The following MLLT1 variants were observed in gnomAD, a reference collection of about 807,000 sequenced individuals.
MLLT1 encodes protein ENL.
Under a neutral mutation model 55.1 loss-of-function variants are expected in MLLT1, and 11 were observed. That is an observed-to-expected ratio of 0.20 (90% confidence interval 0.13 to 0.33). MLLT1 has a LOEUF of 0.33. MLLT1 is among the 10% of genes least tolerant of loss of function. MLLT1 has a pLI of 1.00. For missense variants in MLLT1, 536 were observed against 760.6 expected (o/e 0.70, Z 3.47); for synonymous variants, 323 against 320.1 (o/e 1.01, Z -0.10).
At chr19:6,238,594 C>T (rs914401865) in intron 3 of MLLT1, among the ~76,000 whole-genome samples, 3 of 152,232 alleles carry the variant, frequency 2.0e-5, no homozygotes, top group South Asian at 2.1e-4. Flanking sequence ...TGGCTTGGCC[C>T]CCAGCCTGCC....
chr19:6,279,221 T>A, intron 1 of MLLT1, among the ~76,000 whole-genome samples: 1 of 151,586 alleles, frequency 6.6e-6, no homozygotes, highest in East Asian at 2.0e-4. Context: ...AGACAGCAGG[T>A]TGGGGACTCT....
rs764206531 is a variant in MLLT1 at position 6,214,046 on chromosome 19, G to A, written c.1308-8C>T. ...CTGTCGCTGAAGCTCAACCTGAACC[G>A]ACACACGGGGGCGCATCAGGCCCCT... On this transcript the variant is annotated splice_polypyrimidine_tract_variant and splice_region_variant and intron_variant, in intron 8 of 11. Coordinates refer to ENST00000252674, the MANE Select transcript of MLLT1 (RefSeq NM_005934.4). 7 of 1,421,520 alleles carry A rather than the reference G, an allele frequency of 4.9e-6. No individual in the cohort carries two copies. The highest frequency in any genetic ancestry group is 2.6e-4 in the Middle Eastern group (1 of 3,822). 88.1% of individuals were successfully genotyped at this position (1,421,520 alleles called of 1,614,324 possible). A position where few individuals can be genotyped will look rare whatever the true frequency, so the allele number is the denominator to read the frequency against.
Position 6,226,937 on chromosome 19 carries a change from C to A in MLLT1, c.546+40G>T. ...GGGGCCAGACCCACCACAGCTGGGC[C>A]CCGGCGCTCCCACGCGACTGGGCCT... is the stretch of plus-strand genomic sequence containing the variant. On this transcript the variant is annotated intron_variant, in intron 5 of 11. Coordinates refer to ENST00000252674, the MANE Select transcript of MLLT1 (RefSeq NM_005934.4). The surrounding 1 kb of genome is among the most constrained non-coding windows in gnomAD (Gnocchi z 6.3). 6.6e-7 allele frequency: 1 copy of A among 1,512,422 alleles called. No homozygotes were observed. The highest frequency in any genetic ancestry group is 1.3e-5 in the South Asian group (1 of 77,518). 93.7% of individuals were successfully genotyped at this position (1,512,422 alleles called of 1,614,324 possible). A position where few individuals can be genotyped will look rare whatever the true frequency, so the allele number is the denominator to read the frequency against.
rs1160795326 is a variant in MLLT1, at chr19:6,229,514, A to G, written c.420+1056T>C. On this transcript the variant is annotated intron_variant, in intron 4 of 11. Transcript: ENST00000252674. The surrounding 1 kb of genome is among the most constrained non-coding windows in gnomAD (Gnocchi z 5.2). Reference sequence around the variant, plus strand: ...ACCCCACCCGCATACCCCACACGTCATACATGCCACATACACACCTGACAC... The same window carrying G: ...ACCCCACCCGCATACCCCACACGTCGTACATGCCACATACACACCTGACAC... Among the ~76,000 whole-genome samples, 2 of 151,552 alleles carry G rather than the reference A, an allele frequency of 1.3e-5. No individual in the cohort carries two copies. The highest frequency in any genetic ancestry group is 4.8e-5 in the African/African-American group (2 of 41,238).
At position 6,256,230 on chromosome 19, in the gene MLLT1, T is replaced by G. The variant is rs899445139; in HGVS notation, c.276+5998A>C. Among the ~76,000 whole-genome samples, 4 of 144,234 alleles carry G rather than the reference T, an allele frequency of 2.8e-5. No homozygotes were observed. The highest frequency in any genetic ancestry group is 2.2e-4 in the South Asian group (1 of 4,506). 94.6% of individuals were successfully genotyped at this position (144,234 alleles called of 152,430 possible). Reference sequence around the variant, plus strand: ...ACTCTGTCTCAAAAAGATAAATAAATAAATAAATAAATAAATAAATAAATA... The same window carrying G: ...ACTCTGTCTCAAAAAGATAAATAAAGAAATAAATAAATAAATAAATAAATA... On this transcript the variant is annotated intron_variant, in intron 3 of 11. Coordinates refer to ENST00000252674, the MANE Select transcript of MLLT1 (RefSeq NM_005934.4). This position sits in a 1 kb window ranked among gnomAD's most constrained non-coding sequence, Gnocchi z 4.1.
intron 3 of MLLT1, among the ~76,000 whole-genome samples, chr19:6,238,316 A>G (rs1002270538): frequency 1.3e-5 from 2 of 152,248 alleles, no homozygotes; most frequent in African/African-American, 4.8e-5. Context: ...CTAATTTACC[A>G]ATTTCTAGCC....
chr19:6,224,436 G>A (rs1232199975), intron 5 of MLLT1, among the ~76,000 whole-genome samples: 2 of 152,234 alleles, frequency 1.3e-5, no homozygotes, highest in African/African-American at 4.8e-5. Flanking sequence ...AGGGAGGTGT[G>A]AGAGACTGCA....
intron 5 of MLLT1, among the ~76,000 whole-genome samples, chr19:6,225,650 G>A (rs1404468969): frequency 1.3e-5 from 2 of 152,156 alleles, no homozygotes; most frequent in Non-Finnish European, 2.9e-5. Flanking sequence ...GGGACGGAGA[G>A]GGTGGAGCCC....
At chr19:6,243,936 C>T (rs548429684) in intron 3 of MLLT1, among the ~76,000 whole-genome samples, 5 of 149,714 alleles carry the variant, frequency 3.3e-5, no homozygotes, top group East Asian at 4.0e-4. Context: ...CCCAGCCACT[C>T]GGGAGGCTGA....
In MLLT1 at chr19:6,213,368, A is replaced by G; in HGVS notation, c.1520T>C (p.Met507Thr). 1.2e-6 allele frequency: 2 copies of G among 1,612,146 alleles called. No homozygotes were observed. Among genetic ancestry groups the G allele is most frequent in the South Asian group, 1.1e-5 (1 of 91,082 alleles). Reference sequence around the variant, plus strand: ...CAGCACGTTGCGCTCCCGCAGCGCCATCAGCCTCCGGTGTAGCTCCACCAG... The same window carrying G: ...CAGCACGTTGCGCTCCCGCAGCGCCGTCAGCCTCCGGTGTAGCTCCACCAG... ...DELVELHRRLMALRERNVLQQ... is the reference protein window; with the variant it reads ...DELVELHRRLTALRERNVLQQ... The change falls in exon 11 of 12, where the codon ATG becomes ACG. Residue 507 changes from methionine (M) to threonine (T), a missense_variant. Around this residue, in one of 3 missense-constraint regions of MLLT1, gnomAD observed 25 missense variants for 75.8 expected, o/e 0.33. Transcript: ENST00000252674.
At chr19:6,244,043 CAAAAAAAAAAA>C (rs1179461309) in intron 3 of MLLT1, among the ~76,000 whole-genome samples, 1 of 45,172 alleles carries the variant, frequency 2.2e-5, no homozygotes, top group Non-Finnish European at 4.5e-5. Flanking sequence ...GACTCCACCT[CAAAAAAAAAAA>C]AAAAAAAAAA....
At chr19:6,276,460 T>C (rs2091428777) in intron 1 of MLLT1, among the ~76,000 whole-genome samples, 1 of 152,072 alleles carries the variant, frequency 6.6e-6, no homozygotes, top group African/African-American at 2.4e-5. Flanking sequence ...AACCCAAACC[T>C]AGGAGAGCAT....
At position 6,230,756 on chromosome 19, in the gene MLLT1, G is replaced by A. The variant is rs772393628; in HGVS notation, c.277-43C>T. The A allele has an allele frequency of 1.9e-5, 30 of 1,609,354 alleles. No homozygotes were observed. Among genetic ancestry groups the A allele is most frequent in the East Asian group, 1.8e-4 (8 of 44,808 alleles). On this transcript the variant is annotated intron_variant, in intron 3 of 11. Transcript: ENST00000252674. This position sits in a 1 kb window ranked among gnomAD's most constrained non-coding sequence, Gnocchi z 9.0. ...AGAAAGTCTGCATCAGAGGGTGGCC[G>A]TGGTGCAGGGACACAGCTCCCCATT... is the stretch of plus-strand genomic sequence containing the variant.
chr19:6,261,758 C>T (rs2091307862), intron 3 of MLLT1, among the ~76,000 whole-genome samples: 1 of 151,872 alleles, frequency 6.6e-6, no homozygotes, highest in Non-Finnish European at 1.5e-5. Context: ...ACTCCTTTTT[C>T]CTTCAAGTAT....
chr19:6,262,149 T>A lies in MLLT1; in HGVS notation c.276+79A>T. On this transcript the variant is annotated intron_variant, in intron 3 of 11. Coordinates refer to ENST00000252674, the MANE Select transcript of MLLT1 (RefSeq NM_005934.4). This position sits in a 1 kb window ranked among gnomAD's most constrained non-coding sequence, Gnocchi z 4.4. ...ATGGGCAGCGGCCAGTTCTCTGGCC[T>A]GTTTTGTGAACTGCCGTGGCACCCG... 8.9e-7 allele frequency: 1 copy of A among 1,123,022 alleles called. No individual in the cohort carries two copies. Among genetic ancestry groups the A allele is most frequent in the South Asian group, 1.2e-5 (1 of 80,356 alleles). 69.6% of individuals were successfully genotyped at this position (1,123,022 alleles called of 1,614,324 possible). A position where few individuals can be genotyped will look rare whatever the true frequency, so the allele number is the denominator to read the frequency against.
chr19:6,246,328 G>A (rs1027945577), intron 3 of MLLT1, among the ~76,000 whole-genome samples: 6 of 152,224 alleles, frequency 3.9e-5, no homozygotes, highest in Non-Finnish European at 8.8e-5. Flanking sequence ...CAAAAAACCC[G>A]TATGCAAATG....
chr19:6,217,432 C>T (rs1429664364), intron 7 of MLLT1, among the ~76,000 whole-genome samples: 1 of 152,222 alleles, frequency 6.6e-6, no homozygotes, highest in Non-Finnish European at 1.5e-5. Context: ...AGGGCCCTCC[C>T]CACTCTGGGG....
At chr19:6,264,278 C>T (rs966546138) in intron 2 of MLLT1, among the ~76,000 whole-genome samples, 1 of 151,550 alleles carries the variant, frequency 6.6e-6, no homozygotes, top group African/African-American at 2.4e-5. Flanking sequence ...TCAGGTTTCC[C>T]TCTGGAGAAA....
rs531971137 is a variant in MLLT1, at chr19:6,252,058, G to T, written c.276+10170C>A. ...ACACTGGCATGTAAGTCGGGCCGAGGAGGGAAGACTCGCCCTCAGTGTGGA... is the reference window on the plus strand; with the variant it reads ...ACACTGGCATGTAAGTCGGGCCGAGTAGGGAAGACTCGCCCTCAGTGTGGA... On this transcript the variant is annotated intron_variant, in intron 3 of 11. Coordinates refer to ENST00000252674, the MANE Select transcript of MLLT1 (RefSeq NM_005934.4). 5.3e-4 allele frequency among the ~76,000 whole-genome samples: 80 copies of T among 152,350 alleles called. 1 individual carries two copies. In the South Asian group the frequency reaches 0.015, roughly 28 times the overall value.
Sources: gnomAD v4.1 joint callset for allele counts (sites outside exome capture counted in the v4.1 genomes callset) on GRCh38, gnomAD v4.1.1 for gene constraint, gnomAD v4.1.1 regional missense constraint, Gnocchi (gnomAD v3.1) non-coding constraint, MANE v1.5 for transcripts, NCBI Gene and HGNC (gene_info 2026-07-23, HGNC 2026-07-21) for gene names.